The following SPMIP6 variants were observed in gnomAD, a reference collection of about 807,000 sequenced individuals.
SPMIP6 encodes ciliated bronchial epithelial protein 1.
the SPMIP6 span, chr9:34,382,699 T>G: frequency 9.1e-7 from 1 of 1,095,692 alleles, no homozygotes; most frequent in South Asian, 1.2e-5. Flanking sequence ...GTTTGGGAGG[T>G]GGTGGGGTAT....
the SPMIP6 span, among the ~76,000 whole-genome samples, chr9:34,387,662 ACAT>A: frequency 6.6e-6 from 1 of 152,206 alleles, no homozygotes; most frequent in African/African-American, 2.4e-5. Flanking sequence ...GAATTCATAG[ACAT>A]CGTCAATTTT....
At chr9:34,379,035 T>A in the SPMIP6 span, 1 of 1,228,284 alleles carries the variant, frequency 8.1e-7, no homozygotes, top group Non-Finnish European at 1.2e-6. This position sits in a 1 kb window ranked among gnomAD's most constrained non-coding sequence, Gnocchi z 4.2. Flanking sequence ...GTTGAAGAGT[T>A]TATTTATTGC....
chr9:34,390,190 A>G, the SPMIP6 span: 1 of 152,118 alleles, frequency 6.6e-6, no homozygotes, highest in Admixed American at 6.5e-5. Flanking sequence ...GCTGAATAGA[A>G]GTAGTGAACA....
chr9:34,387,523 C>T, the SPMIP6 span, among the ~76,000 whole-genome samples: 2 of 151,950 alleles, frequency 1.3e-5, no homozygotes, highest in African/African-American at 4.8e-5. Flanking sequence ...CACACACACA[C>T]ACCCCTGTGT....
the SPMIP6 span, chr9:34,382,895 A>G: frequency 3.6e-6 from 5 of 1,407,774 alleles, no homozygotes; most frequent in Admixed American, 6.7e-5. Flanking sequence ...GGAGATGTCA[A>G]ATAGTGTTAC....
chr9:34,385,805 G>A, the SPMIP6 span: 1 of 1,606,234 alleles, frequency 6.2e-7, no homozygotes, highest in Non-Finnish European at 8.5e-7. Context: ...GAGGAGAGAA[G>A]TGGTTAGGGG....
chr9:34,385,000 T>C, the SPMIP6 span, among the ~76,000 whole-genome samples: 1 of 151,774 alleles, frequency 6.6e-6, no homozygotes, highest in Non-Finnish European at 1.5e-5. Context: ...GCTGGGAAGA[T>C]GGGAGGAGAT....
At chr9:34,386,363 A>G in the SPMIP6 span, among the ~76,000 whole-genome samples, 1 of 152,204 alleles carries the variant, frequency 6.6e-6, no homozygotes, top group Non-Finnish European at 1.5e-5. Flanking sequence ...TGGGAGGCCG[A>G]GGCAGGCGGA....
chr9:34,379,403 C>T, the SPMIP6 span, among the ~76,000 whole-genome samples: 1 of 152,212 alleles, frequency 6.6e-6, no homozygotes, highest in Non-Finnish European at 1.5e-5. This position sits in a 1 kb window ranked among gnomAD's most constrained non-coding sequence, Gnocchi z 4.2. Context: ...TCTGAACCAA[C>T]GCCTTTGGCT....
chr9:34,381,785 A>G, the SPMIP6 span: 1 of 984,328 alleles, frequency 1.0e-6, no homozygotes, highest in East Asian at 1.1e-4. This position sits in a 1 kb window ranked among gnomAD's most constrained non-coding sequence, Gnocchi z 4.4. Flanking sequence ...GGTTTTCAAT[A>G]TTGCTTGTCA....
the SPMIP6 span, among the ~76,000 whole-genome samples, chr9:34,386,541 A>G: frequency 6.6e-6 from 1 of 150,748 alleles, no homozygotes. Flanking sequence ...GTGAGCTGAG[A>G]TCGTGCCACT....
chr9:34,384,439 C>T, the SPMIP6 span, among the ~76,000 whole-genome samples: 1 of 152,114 alleles, frequency 6.6e-6, no homozygotes, highest in African/African-American at 2.4e-5. Context: ...GTGGTCATAG[C>T]CTGTGTGCTG....
At chr9:34,381,221 C>T in the SPMIP6 span, 1 of 1,562,254 alleles carries the variant, frequency 6.4e-7, no homozygotes, top group Non-Finnish European at 8.7e-7. The surrounding 1 kb of genome is among the most constrained non-coding windows in gnomAD (Gnocchi z 4.4). Flanking sequence ...GAGGCGGAGA[C>T]AAAAGCCAGG....
chr9:34,385,552 A>T, the SPMIP6 span: 1 of 1,080,924 alleles, frequency 9.3e-7, no homozygotes, highest in Non-Finnish European at 1.3e-6. Context: ...AAAAAAAAAA[A>T]AAAAAAAAGG....
chr9:34,395,987 A>C, the SPMIP6 span, among the ~76,000 whole-genome samples: 96 of 152,204 alleles, frequency 6.3e-4, no homozygotes, highest in Non-Finnish European at 1.1e-3. Flanking sequence ...AAAAATGTGT[A>C]TATCTTTTCT....
the SPMIP6 span, chr9:34,379,546 C>T: frequency 9.4e-7 from 1 of 1,060,796 alleles, no homozygotes; most frequent in Non-Finnish European, 1.5e-6. The surrounding 1 kb of genome is among the most constrained non-coding windows in gnomAD (Gnocchi z 4.2). Flanking sequence ...CAGTGCACCG[C>T]GGAGCGTTCT....
At chr9:34,385,673 A>AGG in the SPMIP6 span, 3 of 1,613,604 alleles carry the variant, frequency 1.9e-6, no homozygotes, top group Non-Finnish European at 2.5e-6. Context: ...TCAGGCAAGT[A>AGG]GGGGTGGCCT....
At chr9:34,383,526 T>C in the SPMIP6 span, among the ~76,000 whole-genome samples, 1 of 152,296 alleles carries the variant, frequency 6.6e-6, no homozygotes, top group East Asian at 1.9e-4. Flanking sequence ...TCAGTCTCAA[T>C]AAATAGATAA....
At chr9:34,380,246 C>T in the SPMIP6 span, among the ~76,000 whole-genome samples, 2 of 152,192 alleles carry the variant, frequency 1.3e-5, no homozygotes, top group Admixed American at 1.3e-4. Flanking sequence ...TGGCTGCCGC[C>T]GCGTGCAGGA....
Sources: allele counts gnomAD v4.1 joint callset (sites outside exome capture counted in the v4.1 genomes callset), GRCh38; gene constraint gnomAD v4.1.1; non-coding constraint Gnocchi (gnomAD v3.1); transcripts MANE v1.5; gene names NCBI Gene and HGNC (gene_info 2026-07-23, HGNC 2026-07-21).